The following CRNKL1 variants were observed in gnomAD, a reference collection of about 807,000 sequenced individuals.
CRNKL1 encodes crooked neck pre-mRNA splicing factor 1.
A neutral mutation model predicts 103.7 loss-of-function variants in CRNKL1; 35 were observed. The ratio of observed to expected loss-of-function variants is 0.34; its 90% CI spans 0.26 to 0.45. CRNKL1 has a LOEUF of 0.45. Ranked by LOEUF, CRNKL1 falls within the 20% of genes least tolerant of loss-of-function variation. The pLI is 1.00. For synonymous variants in CRNKL1, 267 were observed against 282.6 expected, an observed-to-expected ratio of 0.94 and a Z score of 0.55; for missense variants, 645 against 836.0, an observed-to-expected ratio of 0.77 and a Z score of 2.82.
At chr20:20,042,059 C>G (rs1035702692) in intron 8 of CRNKL1, among the ~76,000 whole-genome samples, 1 of 152,194 alleles carries the variant, frequency 6.6e-6, no homozygotes, top group African/African-American at 2.4e-5. Flanking sequence ...GTTCACTGTT[C>G]TCTTTCAAGC....
chr20:20,042,898 T>C (rs551459535), intron 7 of CRNKL1, among the ~76,000 whole-genome samples: 3 of 152,376 alleles, frequency 2.0e-5, no homozygotes, highest in East Asian at 1.9e-4. Context: ...TTCCAATTAA[T>C]AGCAATTCAT....
chr20:20,052,807 A>G, upstream of CRNKL1: 1 of 1,358,804 alleles, frequency 7.4e-7, no homozygotes, highest in African/African-American at 1.4e-5. Context: ...CATTCCCAGC[A>G]TGCGACGGGG....
At chr20:20,047,514 G>A (rs1247529760) in intron 5 of CRNKL1, among the ~76,000 whole-genome samples, 1 of 152,118 alleles carries the variant, frequency 6.6e-6, no homozygotes, top group African/African-American at 2.4e-5. Context: ...TTTCCACAAG[G>A]AAACATTAGC....
At chr20:20,048,073 C>T (rs2043623112) in intron 4 of CRNKL1, 142 bp from the exon 5 acceptor site, 5 of 1,157,160 alleles carry the variant, frequency 4.3e-6, no homozygotes, top group Non-Finnish European at 4.8e-6. Flanking sequence ...AAAGGATGAA[C>T]CATTGGAAAA....
intron 1 of CRNKL1, among the ~76,000 whole-genome samples, chr20:20,051,206 G>C (rs1174717081): frequency 1.3e-5 from 2 of 152,172 alleles, no homozygotes; most frequent in Non-Finnish European, 2.9e-5. Context: ...GAGGTGGACT[G>C]TAAGTGTAAA....
At chr20:20,046,235 C>T (rs2043592738) in intron 5 of CRNKL1, among the ~76,000 whole-genome samples, 2 of 152,176 alleles carry the variant, frequency 1.3e-5, no homozygotes, top group African/African-American at 4.8e-5. Context: ...TCTCATGCCT[C>T]AGCTCCCTCA....
chr20:20,048,601 C>A, intron 3 of CRNKL1, 100 bp from the exon 4 acceptor site: 2 of 1,180,952 alleles, frequency 1.7e-6, no homozygotes, highest in South Asian at 2.9e-5. Context: ...TATTAGGTGT[C>A]TACCATGAGC....
chr20:20,048,587 G>T, intron 3 of CRNKL1, 86 bp from the exon 4 acceptor site: 1 of 1,356,958 alleles, frequency 7.4e-7, no homozygotes, highest in Non-Finnish European at 1.0e-6. Context: ...ATGCACTGAT[G>T]TTTTATTAGG....
At chr20:20,041,742 C>A in intron 8 of CRNKL1, 117 bp from the exon 9 acceptor site, 1 of 710,264 alleles carries the variant, frequency 1.4e-6, no homozygotes, top group Non-Finnish European at 2.4e-6. Context: ...CAGCATGTTT[C>A]ACAAGTTGTT....
chr20:20,046,788 G>A (rs1414542583), intron 5 of CRNKL1, among the ~76,000 whole-genome samples: 4 of 152,182 alleles, frequency 2.6e-5, no homozygotes, highest in Non-Finnish European at 5.9e-5. Context: ...ATGGTTATAT[G>A]AGGTTAAGAC....
intron 6 of CRNKL1, 70 bp downstream of exon 6, chr20:20,045,238 G>T: frequency 1.5e-6 from 2 of 1,294,930 alleles, no homozygotes; most frequent in South Asian, 1.6e-5. Flanking sequence ...AAATGGAAAT[G>T]AACTCACCAT....
chr20:20,049,805 C>CCTTT (rs527627624), intron 2 of CRNKL1, among the ~76,000 whole-genome samples: 29 of 151,412 alleles, frequency 1.9e-4, no homozygotes, highest in African/African-American at 5.9e-4. Context: ...AATTCCTTTT[C>CCTTT]CTTTCTTTCT....
Position 20,039,685 on chromosome 20 carries a change from G to A in CRNKL1, c.1469C>T (p.Thr490Ile). ...TSWIKFAELE[T>I]ILGDIDRARA... ...TGCTCTGTCAATATCACCAAGGATT[G>A]TCTCTAATTCAGCGAATTTAATCCA... The change falls in exon 11 of 14, where the codon ACA becomes ATA. Residue 490 changes from threonine to isoleucine, a missense_variant. Transcript: ENST00000536226. 6.2e-7 allele frequency: 1 copy of A among 1,614,142 alleles called. No homozygotes were observed. The highest frequency in any genetic ancestry group is 1.1e-5 in the South Asian group (1 of 91,080).
chr20:20,054,462 C>T (rs1203228328), upstream of CRNKL1, among the ~76,000 whole-genome samples: 1 of 151,878 alleles, frequency 6.6e-6, no homozygotes, highest in African/African-American at 2.4e-5. Flanking sequence ...TTACATTAAA[C>T]TTTATATGTA....
At position 20,036,215 on chromosome 20, in the gene CRNKL1, C is replaced by T. The variant is rs35201190; in HGVS notation, c.2044G>A (p.Val682Ile). 2.1e-3 allele frequency: 3,354 copies of T among 1,614,062 alleles called. 56 individuals are homozygous for T. The African/African-American group carries it at 0.037, about 18-fold the overall frequency. ...AAAGATCAGGATTCACTCTCATCGACGTCCTCATCTGGATGGTGCTCAGCA... is the reference window on the plus strand; with the variant it reads ...AAAGATCAGGATTCACTCTCATCGATGTCCTCATCTGGATGGTGCTCAGCA... The part of the protein sequence containing the change: ...EDAEHHPDED[V>I]DESES The change falls in exon 14 of 14, where the codon GTC (valine) becomes ATC (isoleucine). Residue 682 changes from valine (V) to isoleucine (I), a missense_variant. Coordinates refer to ENST00000536226, the MANE Select transcript of CRNKL1 (RefSeq NM_001278628.2).
At chr20:20,046,501 T>C (rs1245377712) in intron 5 of CRNKL1, among the ~76,000 whole-genome samples, 2 of 152,242 alleles carry the variant, frequency 1.3e-5, no homozygotes, top group Non-Finnish European at 2.9e-5. Context: ...ATGTTCTATT[T>C]AGTCAATGCG....
intron 7 of CRNKL1, 41 bp downstream of exon 7, chr20:20,043,451 T>C (rs1205596267): frequency 3.1e-6 from 5 of 1,589,352 alleles, no homozygotes; most frequent in Non-Finnish European, 4.3e-6. Context: ...TGAGCACATC[T>C]TGGGTTATCT....
At chr20:20,053,994 G>C (rs955889825), upstream of CRNKL1, among the ~76,000 whole-genome samples, 47 of 109,724 alleles carry the variant, frequency 4.3e-4, no homozygotes, top group Non-Finnish European at 1.5e-4. Flanking sequence ...GTTCATCTCT[G>C]TGTGTGTTTT....
upstream of CRNKL1, among the ~76,000 whole-genome samples, chr20:20,053,081 C>T (rs1246404050): frequency 6.6e-6 from 1 of 152,176 alleles, no homozygotes; most frequent in Non-Finnish European, 1.5e-5. Flanking sequence ...GCCTTAATTA[C>T]TCTAGTTAAA....
Sources: allele counts gnomAD v4.1 joint callset (sites outside exome capture counted in the v4.1 genomes callset), GRCh38; gene constraint gnomAD v4.1.1; transcripts MANE v1.5; gene names NCBI Gene and HGNC (gene_info 2026-07-23, HGNC 2026-07-21).